FAT1: variants seen among roughly 807,000 people sequenced by gnomAD.
FAT1 encodes FAT atypical cadherin 1, also known as protocadherin Fat 1.
A neutral mutation model predicts 329.8 loss-of-function variants in FAT1; 171 were observed. The ratio of observed to expected loss-of-function variants is 0.52; its 90% CI spans 0.46 to 0.59. The LOEUF (loss-of-function observed/expected upper bound fraction) is 0.59. Among genes scored for constraint, FAT1 ranks in the 20% least tolerant of loss-of-function variants. The probability of loss-of-function intolerance (pLI) is 0.00; values close to 1 mark genes in which losing one functional copy is unlikely to be tolerated. For missense variants in FAT1, 5,672 were observed against 5,774.4 expected, an observed-to-expected ratio of 0.98 and a Z score of 0.57; for synonymous variants, 2,233 against 2,228.6, an observed-to-expected ratio of 1.00 and a Z score of -0.06.
chr4:186,717,482 C>A (rs327095), intron 1 of FAT1, among the ~76,000 whole-genome samples: 45,132 of 152,042 alleles, frequency 0.3, 7,767 homozygotes, highest in African/African-American at 0.47. Flanking sequence ...CATGATCAAC[C>A]ACCGGTTCCA....
rs747276580 is a variant in FAT1 at position 186,604,574 on chromosome 4, C to T, written c.10351G>A (p.Glu3451Lys). 2 of 1,603,024 alleles carry T rather than the reference C, an allele frequency of 1.2e-6. No individual in the cohort carries two copies. Among genetic ancestry groups the T allele is most frequent in the Non-Finnish European group, 1.7e-6 (2 of 1,174,812 alleles). Residue 3451 changes from glutamate to lysine, a missense_variant and splice_region_variant, in exon 18 of 27, where the codon GAA becomes AAA. By Grantham distance (56) the Glu-to-Lys change is moderately conservative (BLOSUM62 1). This residue lies in a region of FAT1 where 1,706 missense variants were observed against 1,859.1 expected (regional missense o/e 0.92). Coordinates refer to ENST00000441802, the MANE Select transcript of FAT1 (RefSeq NM_005245.4). ...SRGNYSVIIQENKPVGFSVLQ... is the reference protein window; with the variant it reads ...SRGNYSVIIQKNKPVGFSVLQ... ...ACGCTGAAGCCCACTGGCTTATTTT[C>T]CTGCACAAGATTAGAAACAAAATTA...
rs1738932009 is a variant in FAT1 at position 186,603,612 on chromosome 4, C to T, written c.10914G>A (p.Met3638Ile). The T allele has an allele frequency of 1.2e-6, 2 of 1,614,008 alleles. No individual in the cohort carries two copies. Among genetic ancestry groups the T allele is most frequent in the East Asian group, 2.2e-5 (1 of 44,876 alleles). Residue 3638 changes from methionine to isoleucine, a missense_variant, in exon 19 of 27, where the codon ATG (methionine) becomes ATA (isoleucine). Coordinates refer to ENST00000441802, the MANE Select transcript of FAT1 (RefSeq NM_005245.4). Reference sequence around the variant, plus strand: ...AGCGGATCGCGATGGTGTGGTTCAACATCTCCTGTGTGACTTGTCTGATAT... The same window carrying T: ...AGCGGATCGCGATGGTGTGGTTCAATATCTCCTGTGTGACTTGTCTGATAT... ...TVHIRQVTQE[M>I]LNHTIAIRFA...
intron 21 of FAT1, among the ~76,000 whole-genome samples, chr4:186,600,677 C>T (rs543907010): frequency 1.3e-5 from 2 of 152,336 alleles, no homozygotes; most frequent in East Asian, 3.9e-4. Context: ...AGATACATAA[C>T]ACTTGAAACA....
At chr4:186,693,742 A>C (rs1455861984) in intron 2 of FAT1, among the ~76,000 whole-genome samples, 1 of 152,212 alleles carries the variant, frequency 6.6e-6, no homozygotes, top group Non-Finnish European at 1.5e-5. Context: ...TTCCCAACAA[A>C]AGGCTAAATG....
rs368493526 is a variant in FAT1 at position 186,708,838 on chromosome 4, G to T, written c.990C>A (p.Phe330Leu). The change falls in exon 2 of 27, where the codon TTC becomes TTA. Residue 330 changes from phenylalanine (F) to leucine (L), a missense_variant. This residue lies in a region of FAT1 where 3,966 missense variants were observed against 3,915.2 expected (regional missense o/e 1.01). Coordinates refer to ENST00000441802, the MANE Select transcript of FAT1 (RefSeq NM_005245.4). ...IGGIDWDSHP[F>L]GYNLTLQAKD... ...TAGCCTGTAGTGTGAGATTGTAGCC[G>T]AAAGGATGACTGTCCCAATCAATGC... 8.1e-6 allele frequency: 13 copies of T among 1,613,812 alleles called. No homozygotes were observed. In the African/African-American group the frequency reaches 1.7e-4, roughly 22 times the overall value.
intron 2 of FAT1, among the ~76,000 whole-genome samples, chr4:186,670,563 A>T (rs910503767): frequency 6.6e-6 from 1 of 152,222 alleles, no homozygotes; most frequent in African/African-American, 2.4e-5. Flanking sequence ...ATAAACGGTT[A>T]TTCAATTTTT....
In FAT1 at chr4:186,598,089, G is replaced by T. The variant is rs1738621701; in HGVS notation, c.12140C>A (p.Thr4047Asn). The change falls in exon 23 of 27, where the codon ACC becomes AAC. Residue 4047 changes from threonine (T) to asparagine (N), a missense_variant. By Grantham distance (65) the Thr-to-Asn change is moderately conservative. Around this residue, in one of 2 missense-constraint regions of FAT1, gnomAD observed 1,706 missense variants for 1,859.1 expected, o/e 0.92. Coordinates refer to ENST00000441802, the MANE Select transcript of FAT1 (RefSeq NM_005245.4). ...YCKCSALYIGTHCEISVNPCS... is the reference protein window; with the variant it reads ...YCKCSALYIGNHCEISVNPCS... ...CGGATTGACGCTTATCTCACAGTGG[G>T]TCCCTATGTACAAGGCACTGCATTT... 1 of 1,613,600 alleles carries T rather than the reference G, an allele frequency of 6.2e-7. No individual in the cohort carries two copies. The highest frequency in any genetic ancestry group is 1.3e-5 in the African/African-American group (1 of 74,896).
At chr4:186,605,798 G>C (rs966784668) in intron 17 of FAT1, among the ~76,000 whole-genome samples, 3 of 151,990 alleles carry the variant, frequency 2.0e-5, no homozygotes, top group Non-Finnish European at 4.4e-5. Flanking sequence ...CAGAGGAAAA[G>C]CACCAGTGGC....
At chr4:186,647,763 A>G (rs1741447433) in intron 3 of FAT1, among the ~76,000 whole-genome samples, 1 of 152,180 alleles carries the variant, frequency 6.6e-6, no homozygotes, top group African/African-American at 2.4e-5. Context: ...CTGTAATCAT[A>G]GTATTTTTGG....
intron 2 of FAT1, among the ~76,000 whole-genome samples, chr4:186,682,792 G>C (rs894365830): frequency 6.6e-6 from 1 of 152,186 alleles, no homozygotes; most frequent in African/African-American, 2.4e-5. Context: ...TTTTCTCCAT[G>C]TCATCAGTGA....
chr4:186,695,870 C>A (rs979901471), intron 2 of FAT1, among the ~76,000 whole-genome samples: 1 of 151,826 alleles, frequency 6.6e-6, no homozygotes, highest in Non-Finnish European at 1.5e-5. Context: ...CGACTCACTG[C>A]AACCTCCAGC....
At chr4:186,648,413 A>G (rs140419230) in intron 3 of FAT1, among the ~76,000 whole-genome samples, 16 of 152,312 alleles carry the variant, frequency 1.1e-4, no homozygotes, top group African/African-American at 3.8e-4. Flanking sequence ...ATGGCCACAC[A>G]TATAAAAAAC....
Position 186,633,832 on chromosome 4 carries a change from G to C in FAT1, c.4184-9C>G, listed in dbSNP as rs547270697. 3.1e-6 allele frequency: 5 copies of C among 1,612,860 alleles called. No homozygotes were observed. In the African/African-American group the frequency reaches 6.7e-5, roughly 22 times the overall value. Reference sequence around the variant, plus strand: ...ACTGTCGTAGTTGCCACCTAATTTGGGGAAAAAAAAGTAAAAACAGGTCAC... The same window carrying C: ...ACTGTCGTAGTTGCCACCTAATTTGCGGAAAAAAAAGTAAAAACAGGTCAC... On this transcript the variant is annotated splice_polypyrimidine_tract_variant and intron_variant, in intron 6 of 26. Coordinates refer to ENST00000441802, the MANE Select transcript of FAT1 (RefSeq NM_005245.4).
rs1199881139 is a variant in FAT1 at position 186,723,725 on chromosome 4, C to A, written c.-80G>T. 1 of 151,164 alleles carries A rather than the reference C, an allele frequency of 6.6e-6. No individual in the cohort carries two copies. The highest frequency in any genetic ancestry group is 2.4e-5 in the African/African-American group (1 of 41,166). The allele number at this position is 151,164 out of a possible 1,614,324, so 9.4% of individuals were successfully genotyped here. On this transcript the variant is annotated 5_prime_UTR_variant, in exon 1 of 27. Coordinates refer to ENST00000441802, the MANE Select transcript of FAT1 (RefSeq NM_005245.4). ...GGAGCTCACCCGCCGTCTCAGCGCG[C>A]CCCCGAGCAGGGACCGGGCCTGCCG...
chr4:186,719,098 C>G (rs1745346791), intron 1 of FAT1, among the ~76,000 whole-genome samples: 1 of 152,184 alleles, frequency 6.6e-6, no homozygotes, highest in African/African-American at 2.4e-5. Context: ...ACTGACTCAC[C>G]TACAACTCTG....
chr4:186,651,675 A>G (rs1380761816), intron 3 of FAT1, among the ~76,000 whole-genome samples: 1 of 152,150 alleles, frequency 6.6e-6, no homozygotes, highest in Non-Finnish European at 1.5e-5. Context: ...ACCGGCAGGG[A>G]GGCGTCACGT....
intron 22 of FAT1, among the ~76,000 whole-genome samples, chr4:186,599,411 G>A (rs903784331): frequency 1.3e-5 from 2 of 152,102 alleles, no homozygotes; most frequent in Non-Finnish European, 2.9e-5. Context: ...ACCCCACTAC[G>A]CCAGGGCTTC....
At chr4:186,615,231 T>A (rs1739656487) in intron 11 of FAT1, among the ~76,000 whole-genome samples, 1 of 152,102 alleles carries the variant, frequency 6.6e-6, no homozygotes, top group African/African-American at 2.4e-5. Flanking sequence ...AGAGAGAGAA[T>A]GTCGCACCCC....
At chr4:186,642,004 CA>C (rs11426763) in intron 3 of FAT1, among the ~76,000 whole-genome samples, 69 of 134,032 alleles carry the variant, frequency 5.1e-4, no homozygotes, top group Admixed American at 6.9e-4. Flanking sequence ...AAAACTCTGT[CA>C]AAAAAAAAAA....
Sources: gnomAD v4.1 joint callset for allele counts (sites outside exome capture counted in the v4.1 genomes callset) on GRCh38, gnomAD v4.1.1 for gene constraint, gnomAD v4.1.1 regional missense constraint, MANE v1.5 for transcripts, NCBI Gene and HGNC (gene_info 2026-07-23, HGNC 2026-07-21) for gene names.